Variants in KCNG3 observed in about 807,000 individuals in gnomAD.
KCNG3 encodes potassium voltage-gated channel modifier subfamily G member 3.
A neutral mutation model predicts 29.0 loss-of-function variants in KCNG3; 15 were observed. The observed-to-expected ratio is 0.52, with a 90% CI of 0.35 to 0.80. The LOEUF is 0.80. KCNG3 is among the 30% of genes least tolerant of loss of function. The pLI, the probability that KCNG3 is intolerant of heterozygous loss-of-function variation, is 0.01. For missense variants in KCNG3, 512 were observed against 605.7 expected, an observed-to-expected ratio of 0.85 and a Z score of 1.62; for synonymous variants, 322 against 248.9, an observed-to-expected ratio of 1.29 and a Z score of -2.76.
At chr2:42,431,217 T>C in the KCNG3 span, among the ~76,000 whole-genome samples, 1 of 152,242 alleles carries the variant, frequency 6.6e-6, no homozygotes, top group African/African-American at 2.4e-5. Flanking sequence ...TGACTAATAA[T>C]TGGGGATCCT....
the KCNG3 span, among the ~76,000 whole-genome samples, chr2:42,404,883 G>C: frequency 0.054 from 8,260 of 152,262 alleles, 272 homozygotes; most frequent in Middle Eastern, 0.11. Context: ...GCTGTAACTA[G>C]ATATGGCACT....
chr2:42,493,600 C>A lies in KCNG3; in HGVS notation c.-99G>T. On this transcript the variant is annotated 5_prime_UTR_variant, in exon 1 of 2. Coordinates refer to ENST00000306078, the MANE Select transcript of KCNG3 (RefSeq NM_133329.6). ...TGCCTGCCCGTGGCTGACGGGGGAG[C>A]GCGCCGTCGGGGCCCGCGCTCCCTC... 4 of 1,124,936 alleles carry A rather than the reference C, an allele frequency of 3.6e-6. No homozygotes were observed. The highest frequency in any genetic ancestry group is 3.3e-4 in the Middle Eastern group (1 of 3,000). The allele number at this position is 1,124,936 out of a possible 1,614,324, so 69.7% of individuals were successfully genotyped here. A position where few individuals can be genotyped will look rare whatever the true frequency, so the allele number is the denominator to read the frequency against.
At chr2:42,430,416 T>C in the KCNG3 span, among the ~76,000 whole-genome samples, 4 of 150,296 alleles carry the variant, frequency 2.7e-5, no homozygotes, top group African/African-American at 9.8e-5. Context: ...ATAAATACGC[T>C]AACCAACTAG....
At chr2:42,476,631 C>T (rs961123809) in intron 1 of KCNG3, among the ~76,000 whole-genome samples, 13 of 151,666 alleles carry the variant, frequency 8.6e-5, no homozygotes, top group Middle Eastern at 3.4e-3. Flanking sequence ...GGGTTATAGG[C>T]GCACACCACC....
rs1198473558 is a variant in KCNG3, at chr2:42,477,386, T to TACAC, written c.665+15450_665+15451insGTGT. On this transcript the variant is annotated intron_variant, in intron 1 of 1. Transcript: ENST00000306078. ...ATACATATATATACACACACATATATATACACACACACACACACACACACA... is the reference window on the plus strand; with the variant it reads ...ATACATATATATACACACACATATATACACATACACACACACACACACACACACA... Among the ~76,000 whole-genome samples the TACAC allele has an allele frequency of 3.0e-3, 311 of 103,394 alleles. 1 individual carries two copies. The highest frequency in any genetic ancestry group is 6.4e-3 in the Middle Eastern group (1 of 156). The allele number at this position is 103,394 out of a possible 152,430, so 67.8% of individuals were successfully genotyped here. A position where few individuals can be genotyped will look rare whatever the true frequency, so the allele number is the denominator to read the frequency against.
At chr2:42,489,911 C>A (rs939369827) in intron 1 of KCNG3, among the ~76,000 whole-genome samples, 1 of 152,202 alleles carries the variant, frequency 6.6e-6, no homozygotes, top group Non-Finnish European at 1.5e-5. Context: ...CAAAGCCATC[C>A]AAGCTCTCAT....
At chr2:42,416,259 T>C in the KCNG3 span, among the ~76,000 whole-genome samples, 2 of 152,126 alleles carry the variant, frequency 1.3e-5, no homozygotes, top group Non-Finnish European at 2.9e-5. Flanking sequence ...GAGAAATATG[T>C]TCTGGTGTTC....
chr2:42,414,770 T>C, the KCNG3 span, among the ~76,000 whole-genome samples: 2 of 152,200 alleles, frequency 1.3e-5, no homozygotes, highest in Non-Finnish European at 2.9e-5. Flanking sequence ...TTTTGTTCCA[T>C]ACTCTAAGAG....
At chr2:42,470,712 A>G (rs1048368746) in intron 1 of KCNG3, among the ~76,000 whole-genome samples, 3 of 151,952 alleles carry the variant, frequency 2.0e-5, no homozygotes, top group African/African-American at 4.8e-5. Context: ...CTGTCTCTAC[A>G]AAAAAGTACA....
the KCNG3 span, among the ~76,000 whole-genome samples, chr2:42,390,998 T>C: frequency 2.0e-5 from 3 of 152,306 alleles, no homozygotes; most frequent in South Asian, 2.1e-4. Flanking sequence ...CGGAGGAAAG[T>C]GCTGTAGGCT....
the KCNG3 span, among the ~76,000 whole-genome samples, chr2:42,388,869 AT>A: frequency 3.1e-4 from 47 of 149,886 alleles, no homozygotes; most frequent in African/African-American, 5.9e-4. Flanking sequence ...TAAGCACATA[AT>A]TTTTTTTTTG....
chr2:42,399,083 G>T, the KCNG3 span, among the ~76,000 whole-genome samples: 1 of 126,194 alleles, frequency 7.9e-6, no homozygotes, highest in Non-Finnish European at 1.6e-5. Context: ...TTGAGACAGG[G>T]TCTCACTCTG....
At chr2:42,460,349 T>C (rs1053190868) in intron 1 of KCNG3, among the ~76,000 whole-genome samples, 2 of 152,272 alleles carry the variant, frequency 1.3e-5, no homozygotes, top group South Asian at 4.1e-4. Context: ...ACACTCTCTC[T>C]AAATATAAAT....
At chr2:42,389,212 C>T in the KCNG3 span, among the ~76,000 whole-genome samples, 5 of 152,306 alleles carry the variant, frequency 3.3e-5, no homozygotes, top group Non-Finnish European at 5.9e-5. Flanking sequence ...GCCACCTTGC[C>T]GGCCCCATGT....
Position 42,492,904 on chromosome 2 carries a change from C to T in KCNG3, c.598G>A (p.Ala200Thr). The T allele has an allele frequency of 6.4e-7, 1 of 1,571,240 alleles. No homozygotes were observed. Residue 200 changes from alanine to threonine, a missense_variant, in exon 1 of 2, where the codon GCC becomes ACC. Ala to Thr is a moderately conservative substitution (Grantham distance 58, BLOSUM62 0). This residue lies in a region of KCNG3 where 228 missense variants were observed against 200.0 expected (regional missense o/e 1.14). Coordinates refer to ENST00000306078, the MANE Select transcript of KCNG3 (RefSeq NM_133329.6). ...ASTLPDWRNA[A>T]ADNRSLDDRS... ...TCATCCAGGCTGCGGTTGTCGGCGG[C>T]TGCGTTGCGCCAGTCGGGCAACGTG...
the KCNG3 span, among the ~76,000 whole-genome samples, chr2:42,421,904 T>A: frequency 1.3e-5 from 2 of 152,228 alleles, no homozygotes; most frequent in African/African-American, 4.8e-5. Flanking sequence ...TGCGTTTTTT[T>A]AATCTGGTTG....
At position 42,444,453 on chromosome 2, in the gene KCNG3, C is replaced by G. The variant is rs770589742; in HGVS notation, c.792G>C (p.Pro264=). 7.4e-6 allele frequency: 12 copies of G among 1,614,030 alleles called. No homozygotes were observed. Among genetic ancestry groups the G allele is most frequent in the Non-Finnish European group, 1.0e-5 (12 of 1,180,044 alleles). Residue 264 remains proline, a synonymous_variant, in exon 2 of 2, where the codon CCG becomes CCC. Coordinates refer to ENST00000306078, the MANE Select transcript of KCNG3 (RefSeq NM_133329.6). The surrounding 1 kb of genome is among the most constrained non-coding windows in gnomAD (Gnocchi z 5.8). ...LNIIDLLAIT[P]YYISVLMTVF... ...CTGTCATCAACACAGAGATGTAATA[C>G]GGCGTGATTGCCAGTAAATCAATGA...
the KCNG3 span, among the ~76,000 whole-genome samples, chr2:42,412,830 C>A: frequency 1.3e-5 from 2 of 152,200 alleles, no homozygotes; most frequent in Non-Finnish European, 1.5e-5. Flanking sequence ...CACACCTCAC[C>A]CCCAGCTACT....
chr2:42,471,478 T>C (rs1166092360), intron 1 of KCNG3, among the ~76,000 whole-genome samples: 1 of 152,032 alleles, frequency 6.6e-6, no homozygotes, highest in African/African-American at 2.4e-5. Context: ...CAGATGGTTG[T>C]CAGGGTATGC....
Sources: allele counts gnomAD v4.1 joint callset (sites outside exome capture counted in the v4.1 genomes callset), GRCh38; gene constraint gnomAD v4.1.1; regional missense constraint gnomAD v4.1.1; non-coding constraint Gnocchi (gnomAD v3.1); transcripts MANE v1.5; gene names NCBI Gene and HGNC (gene_info 2026-07-23, HGNC 2026-07-21).